Variants in LDHAL6A observed in about 807,000 individuals in gnomAD.
LDHAL6A encodes the protein L-lactate dehydrogenase A-like 6A.
In LDHAL6A, 19 loss-of-function variants were observed where a neutral mutation model predicts 28.2. The observed-to-expected ratio is 0.67, with a 90% CI of 0.47 to 0.99. The LOEUF (loss-of-function observed/expected upper bound fraction) is 0.99. LDHAL6A is among the 50% of genes least tolerant of loss of function. LDHAL6A has a pLI of 0.00. For synonymous variants in LDHAL6A, 144 were observed against 134.4 expected (o/e 1.07, Z -0.49); for missense variants, 372 against 398.6 (o/e 0.93, Z 0.57).
intron 5 of LDHAL6A, among the ~76,000 whole-genome samples, chr11:18,477,274 C>T (rs949085188): frequency 9.2e-5 from 14 of 151,970 alleles, no homozygotes; most frequent in African/African-American, 1.5e-4. Flanking sequence ...GCCTGGCCAA[C>T]GTGGTGAAAA....
chr11:18,456,030 C>T lies in LDHAL6A; in HGVS notation c.-651C>T, dbSNP rs890707075. On this transcript the variant is annotated 5_prime_UTR_variant, in exon 1 of 7. Coordinates refer to ENST00000280706, the MANE Select transcript of LDHAL6A (RefSeq NM_144972.5). The stretch of plus-strand genomic sequence containing the variant: ...TCGGCGGTTCATCTCCTTCGTGCCT[C>T]GATGAGCTTTAACGCCATTTTCCTC... The T allele has an allele frequency of 5.9e-5, 9 of 152,652 alleles. No individual in the cohort carries two copies. Among genetic ancestry groups the T allele is most frequent in the Non-Finnish European group, 1.0e-4 (7 of 68,360 alleles). The allele number at this position is 152,652 out of a possible 1,614,324, so 9.5% of individuals were successfully genotyped here. A position where few individuals can be genotyped will look rare whatever the true frequency, so the allele number is the denominator to read the frequency against.
At chr11:18,463,866 A>G in intron 1 of LDHAL6A, 95 bp from the exon 2 acceptor site, 1 of 744,992 alleles carries the variant, frequency 1.3e-6, no homozygotes, top group South Asian at 1.6e-5. Flanking sequence ...GATAATTCAC[A>G]AGCTAGACAT....
chr11:18,471,150 C>T (rs949099022), intron 3 of LDHAL6A, among the ~76,000 whole-genome samples: 12 of 150,986 alleles, frequency 7.9e-5, no homozygotes, highest in African/African-American at 2.9e-4. Flanking sequence ...ATTAATTTAT[C>T]TTACCTAAGT....
At chr11:18,470,795 T>A (rs1849239311) in intron 3 of LDHAL6A, among the ~76,000 whole-genome samples, 1 of 151,808 alleles carries the variant, frequency 6.6e-6, no homozygotes. Flanking sequence ...CAAGCAATTC[T>A]CCTGCCTCAG....
At position 18,467,874 on chromosome 11, in the gene LDHAL6A, TAC is replaced by T. The variant is rs1170879155; in HGVS notation, c.418+2070_418+2071del. On this transcript the variant is annotated intron_variant, in intron 3 of 6. Coordinates refer to ENST00000280706, the MANE Select transcript of LDHAL6A (RefSeq NM_144972.5). ...CTGTCTCAAAAAAAATATATATATA[TAC>T]ACACATATATATATATATATATATA... 9.4e-3 allele frequency among the ~76,000 whole-genome samples: 349 copies of T among 36,992 alleles called. 31 individuals carry two copies. The highest frequency in any genetic ancestry group is 0.044 in the African/African-American group (301 of 6,868). The allele number at this position is 36,992 out of a possible 152,430, so 24.3% of individuals were successfully genotyped here.
chr11:18,477,585 TCTTAAC>T, intron 5 of LDHAL6A, 29 bp from the exon 6 acceptor site: 1 of 1,564,738 alleles, frequency 6.4e-7, no homozygotes, highest in Non-Finnish European at 8.6e-7. Flanking sequence ...GACAAGTGCA[TCTTAAC>T]TTATGTTTAT....
intron 3 of LDHAL6A, among the ~76,000 whole-genome samples, chr11:18,467,926 C>CATATATATATAT (rs1292809923): frequency 3.6e-5 from 2 of 55,448 alleles, no homozygotes; most frequent in African/African-American, 1.9e-4. Context: ...TATACACACA[C>CATATATATATAT]ATATATATAT....
chr11:18,478,841 TG>T lies in LDHAL6A; in HGVS notation c.973del (p.Glu325LysfsTer12). On this transcript the variant is annotated frameshift_variant, in exon 7 of 7. Transcript: ENST00000280706. LOFTEE classifies it high-confidence loss of function. The stretch of plus-strand genomic sequence containing the variant: ...CTTGCAAAAGAGTGCAGAAACACTT[TG>T]GGAAATTCAGAAGGAGCTCAAGCTT... ...ACLQKSAETL[W>X]EIQKELKL 1.2e-6 allele frequency: 2 copies of T among 1,612,920 alleles called. No individual in the cohort carries two copies. The highest frequency in any genetic ancestry group is 1.7e-6 in the Non-Finnish European group (2 of 1,179,814).
intron 3 of LDHAL6A, chr11:18,469,280 T>C: frequency 5.5e-6 from 3 of 550,096 alleles, no homozygotes; most frequent in Non-Finnish European, 9.6e-6. Flanking sequence ...CCTACTTTGA[T>C]TTGCACTAAA....
intron 1 of LDHAL6A, among the ~76,000 whole-genome samples, chr11:18,459,190 C>T (rs951780294): frequency 4.9e-4 from 75 of 152,240 alleles, no homozygotes; most frequent in African/African-American, 1.5e-3. Flanking sequence ...GAGAGGCAAA[C>T]CCACCCTCAA....
In LDHAL6A at chr11:18,456,150, GT is replaced by G; in HGVS notation, c.-526del. 6.4e-6 allele frequency: 1 copy of G among 155,930 alleles called. No individual in the cohort carries two copies. Among genetic ancestry groups the G allele is most frequent in the Non-Finnish European group, 1.4e-5 (1 of 70,764 alleles). The allele number at this position is 155,930 out of a possible 1,614,324, so 9.7% of individuals were successfully genotyped here. A position where few individuals can be genotyped will look rare whatever the true frequency, so the allele number is the denominator to read the frequency against. ...AGAGCGGGCGCCGCGGGAGCGAATT[GT>G]TTTTGCCCAAGGATGGTTCTGTGTC... On this transcript the variant is annotated 5_prime_UTR_variant, in exon 1 of 7. An upstream open reading frame in the 5' UTR gains an earlier in-frame stop. Transcript: ENST00000280706.
intron 1 of LDHAL6A, among the ~76,000 whole-genome samples, chr11:18,463,186 G>C (rs901895998): frequency 7.2e-5 from 11 of 152,202 alleles, no homozygotes; most frequent in African/African-American, 2.7e-4. Context: ...GTATTGAGAG[G>C]TGGGGCCTTT....
intron 3 of LDHAL6A, among the ~76,000 whole-genome samples, chr11:18,474,199 C>T (rs1398553100): frequency 1.3e-5 from 2 of 150,934 alleles, no homozygotes; most frequent in Non-Finnish European, 2.9e-5. Context: ...CTGCCTCAGC[C>T]TCCCAAGTAG....
chr11:18,463,598 C>T (rs1848978892), intron 1 of LDHAL6A, among the ~76,000 whole-genome samples: 1 of 152,194 alleles, frequency 6.6e-6, no homozygotes, highest in East Asian at 1.9e-4. Context: ...TGAATGACTT[C>T]CTAGTCTCAA....
chr11:18,470,078 G>A (rs1189951594), intron 3 of LDHAL6A, among the ~76,000 whole-genome samples: 1 of 152,100 alleles, frequency 6.6e-6, no homozygotes, highest in East Asian at 1.9e-4. Flanking sequence ...ACAGGCATGT[G>A]CCACCATGCC....
chr11:18,459,616 A>G (rs902590549), intron 1 of LDHAL6A, among the ~76,000 whole-genome samples: 8 of 152,198 alleles, frequency 5.3e-5, no homozygotes, highest in African/African-American at 1.7e-4. Flanking sequence ...TACATATTGT[A>G]TACCTTAGTG....
chr11:18,469,153 CAG>C (rs1849196626), intron 3 of LDHAL6A: 18 of 602,892 alleles, frequency 3.0e-5, no homozygotes, highest in Middle Eastern at 5.0e-4. Flanking sequence ...TGATATGACT[CAG>C]AGTTGTGAAG....
chr11:18,467,416 A>G (rs1849102019), intron 3 of LDHAL6A, among the ~76,000 whole-genome samples: 1 of 152,074 alleles, frequency 6.6e-6, no homozygotes, highest in African/African-American at 2.4e-5. Flanking sequence ...GCTTTTTGTT[A>G]CTACATACGT....
At chr11:18,472,625 T>C (rs955618894) in intron 3 of LDHAL6A, among the ~76,000 whole-genome samples, 2 of 152,236 alleles carry the variant, frequency 1.3e-5, no homozygotes, top group African/African-American at 4.8e-5. Context: ...TGTCTTCATA[T>C]GTTTAGGATA....
Sources: gnomAD v4.1 joint callset for allele counts (sites outside exome capture counted in the v4.1 genomes callset) on GRCh38, gnomAD v4.1.1 for gene constraint, MANE v1.5 for transcripts, NCBI Gene and HGNC (gene_info 2026-07-23, HGNC 2026-07-21) for gene names.